XRCC2: variants seen among roughly 807,000 people sequenced by gnomAD.
The protein encoded by XRCC2 is X-ray repair cross complementing 2.
Under a neutral mutation model 27.3 loss-of-function variants are expected in XRCC2, and 24 were observed. The ratio of observed to expected loss-of-function variants is 0.88; its 90% CI spans 0.64 to 1.24. The LOEUF is 1.24. XRCC2 is among the 50% of genes most tolerant of loss of function. The pLI, the probability that XRCC2 is intolerant of heterozygous loss-of-function variation, is 0.00. For missense variants in XRCC2, 321 were observed against 325.8 expected (o/e 0.99, Z 0.11); for synonymous variants, 106 against 115.4 (o/e 0.92, Z 0.52).
chr7:152,648,518 C>T lies in XRCC2; in HGVS notation c.*124G>A. 4 of 1,084,930 alleles carry T rather than the reference C, an allele frequency of 3.7e-6. No individual in the cohort carries two copies. The highest frequency in any genetic ancestry group is 5.1e-6 in the Non-Finnish European group (4 of 782,596). The allele number at this position is 1,084,930 out of a possible 1,614,324, so 67.2% of individuals were successfully genotyped here. On this transcript the variant is annotated 3_prime_UTR_variant, in exon 3 of 3. Transcript: ENST00000359321. ...GGAGGATCCCTTGAGGCCAGGAGTT[C>T]AAGGCTGCAGTGAGCCATGATTGTG... is the stretch of plus-strand genomic sequence containing the variant.
intron 1 of XRCC2, among the ~76,000 whole-genome samples, chr7:152,672,917 G>A (rs1219370777): frequency 2.0e-5 from 3 of 152,246 alleles, no homozygotes; most frequent in Admixed American, 2.0e-4. Context: ...TTGAAAAAAT[G>A]CAAAGTACAC....
intron 1 of XRCC2, among the ~76,000 whole-genome samples, chr7:152,671,572 C>T (rs1216526804): frequency 6.6e-6 from 1 of 151,970 alleles, no homozygotes; most frequent in African/African-American, 2.4e-5. Flanking sequence ...GATCTAGACG[C>T]AATTGAGGAT....
intron 1 of XRCC2, among the ~76,000 whole-genome samples, chr7:152,663,564 C>G (rs2098034273): frequency 6.6e-6 from 1 of 152,106 alleles, no homozygotes; most frequent in African/African-American, 2.4e-5. Flanking sequence ...TTGGGCCGGG[C>G]ACAGTGGCTC....
At chr7:152,660,633 T>A in intron 2 of XRCC2, 68 bp downstream of exon 2, 1 of 1,345,620 alleles carries the variant, frequency 7.4e-7, no homozygotes, top group Non-Finnish European at 1.0e-6. Context: ...TGTGTATACA[T>A]GTGAGCTTAT....
Position 152,649,271 on chromosome 7 carries a change from CT to C in XRCC2, c.213del (p.Gly72ValfsTer5). ...AATAAGACTTCTACTTCCAGGCCAC[CT>C]TCTGATTTGGGAAGTATACATCGTG... ...LTARCILPKS[E>X]GGLEVEVLFI... On this transcript the variant is annotated frameshift_variant, in exon 3 of 3. Coordinates refer to ENST00000359321, the MANE Select transcript of XRCC2 (RefSeq NM_005431.2). LOFTEE classifies it high-confidence loss of function. 1 of 1,613,742 alleles carries C rather than the reference CT, an allele frequency of 6.2e-7. No individual in the cohort carries two copies. Among genetic ancestry groups the C allele is most frequent in the South Asian group, 1.1e-5 (1 of 91,072 alleles).
intron 2 of XRCC2, among the ~76,000 whole-genome samples, chr7:152,650,062 C>T (rs2098027879): frequency 6.6e-6 from 1 of 152,214 alleles, no homozygotes; most frequent in African/African-American, 2.4e-5. Flanking sequence ...AAACAAGCCT[C>T]CACCTGGGCA....
intron 2 of XRCC2, among the ~76,000 whole-genome samples, chr7:152,649,577 C>T (rs1047119388): frequency 5.9e-5 from 9 of 152,148 alleles, no homozygotes; most frequent in Admixed American, 3.9e-4. Flanking sequence ...GACTCTCCTC[C>T]GGCCAGGCTC....
At chr7:152,654,628 T>C (rs887024847) in intron 2 of XRCC2, among the ~76,000 whole-genome samples, 4 of 152,228 alleles carry the variant, frequency 2.6e-5, no homozygotes, top group African/African-American at 9.6e-5. Context: ...AAAACTGAGA[T>C]ACTCAGAAGA....
chr7:152,670,957 G>GT (rs2117009384), intron 1 of XRCC2, among the ~76,000 whole-genome samples: 1 of 152,290 alleles, frequency 6.6e-6, no homozygotes, highest in Non-Finnish European at 1.5e-5. Context: ...GCTCATGCCA[G>GT]TAATTCCAGC....
chr7:152,648,595 T>G lies in XRCC2; in HGVS notation c.*47A>C. The G allele has an allele frequency of 1.3e-6, 2 of 1,516,350 alleles. No homozygotes were observed. The highest frequency in any genetic ancestry group is 2.3e-5 in the East Asian group (1 of 44,272). The allele number at this position is 1,516,350 out of a possible 1,614,324, so 93.9% of individuals were successfully genotyped here. A position where few individuals can be genotyped will look rare whatever the true frequency, so the allele number is the denominator to read the frequency against. On this transcript the variant is annotated 3_prime_UTR_variant, in exon 3 of 3. Transcript: ENST00000359321. The stretch of plus-strand genomic sequence containing the variant: ...AGCAAGACTCTGTCTTAAGAAAAAT[T>G]TTAAGGCTTGCGTAGTACCCTGCAA...
chr7:152,666,337 G>T (rs2098035628), intron 1 of XRCC2, among the ~76,000 whole-genome samples: 1 of 151,952 alleles, frequency 6.6e-6, no homozygotes, highest in Non-Finnish European at 1.5e-5. Flanking sequence ...TCAGCCTCCT[G>T]AGTAGCTGGG....
intron 1 of XRCC2, among the ~76,000 whole-genome samples, chr7:152,662,332 T>C (rs933611818): frequency 6.6e-6 from 1 of 151,828 alleles, no homozygotes; most frequent in Non-Finnish European, 1.5e-5. Flanking sequence ...GTTAAAACCA[T>C]ACGTGGAGAG....
At chr7:152,650,637 TC>T (rs1563026799) in intron 2 of XRCC2, among the ~76,000 whole-genome samples, 1 of 152,196 alleles carries the variant, frequency 6.6e-6, no homozygotes, top group Non-Finnish European at 1.5e-5. Flanking sequence ...ACGCCTGTAA[TC>T]CCAGCACTTT....
Position 152,655,950 on chromosome 7 carries a change from C to T in XRCC2, c.121+4751G>A, listed in dbSNP as rs1262084507. ...AGCCGAGATCGAGCTGCACTCCAGCCTGGGTGACAGAGTGAGACTCTGTGT... is the reference window on the plus strand; with the variant it reads ...AGCCGAGATCGAGCTGCACTCCAGCTTGGGTGACAGAGTGAGACTCTGTGT... On this transcript the variant is annotated intron_variant, in intron 2 of 2. Coordinates refer to ENST00000359321, the MANE Select transcript of XRCC2 (RefSeq NM_005431.2). 2.0e-5 allele frequency among the ~76,000 whole-genome samples: 3 copies of T among 152,090 alleles called. No individual in the cohort carries two copies. The East Asian group carries it at 5.8e-4, about 29-fold the overall frequency.
chr7:152,651,631 AG>A (rs2098028577), intron 2 of XRCC2, among the ~76,000 whole-genome samples: 1 of 152,056 alleles, frequency 6.6e-6, no homozygotes, highest in African/African-American at 2.4e-5. Flanking sequence ...ATTCCACCTC[AG>A]CCTCTCAAGT....
chr7:152,664,089 AT>A (rs2098034568), intron 1 of XRCC2: 1 of 152,204 alleles, frequency 6.6e-6, no homozygotes, highest in Non-Finnish European at 1.5e-5. Flanking sequence ...TGCTGGGAGA[AT>A]TTAGCACTGT....
At chr7:152,660,598 C>G in intron 2 of XRCC2, 103 bp downstream of exon 2, 1 of 921,248 alleles carries the variant, frequency 1.1e-6, no homozygotes, top group Non-Finnish European at 1.6e-6. Flanking sequence ...TACAGTTTAA[C>G]CTGTATAAAC....
intron 1 of XRCC2, among the ~76,000 whole-genome samples, chr7:152,666,412 A>G (rs1047759064): frequency 1.3e-5 from 2 of 151,970 alleles, no homozygotes; most frequent in African/African-American, 4.8e-5. Context: ...GGGTCTCCCT[A>G]TGTTGTCCAG....
chr7:152,667,481 A>C (rs2098036432), intron 1 of XRCC2, among the ~76,000 whole-genome samples: 1 of 151,322 alleles, frequency 6.6e-6, no homozygotes, highest in Non-Finnish European at 1.5e-5. Flanking sequence ...AGATGGTATT[A>C]CTCCTCTTAG....
Sources: gnomAD v4.1 joint callset for allele counts (sites outside exome capture counted in the v4.1 genomes callset) on GRCh38, gnomAD v4.1.1 for gene constraint, MANE v1.5 for transcripts, NCBI Gene and HGNC (gene_info 2026-07-23, HGNC 2026-07-21) for gene names.